Variants in OPCML observed in about 807,000 individuals in gnomAD.
OPCML encodes the protein opioid-binding protein/cell adhesion molecule.
OPCML carries 13 observed loss-of-function variants against 37.8 expected under a neutral mutation model. The ratio of observed to expected loss-of-function variants is 0.34; its 90% CI spans 0.22 to 0.55. OPCML has a LOEUF of 0.55. OPCML is among the 20% of genes least tolerant of loss of function. The probability of loss-of-function intolerance (pLI) is 0.91; values close to 1 mark genes in which losing one functional copy is unlikely to be tolerated. For synonymous variants in OPCML, 176 were observed against 168.8 expected (o/e 1.04, Z -0.33); for missense variants, 341 against 435.6 (o/e 0.78, Z 1.93).
At chr11:132,689,236 T>G (rs757569615) in intron 2 of OPCML, among the ~76,000 whole-genome samples, 1 of 152,204 alleles carries the variant, frequency 6.6e-6, no homozygotes, top group Non-Finnish European at 1.5e-5. Flanking sequence ...GATTGTTACA[T>G]TGGGATTTTC....
At chr11:133,343,916 A>G (rs954003965) in intron 1 of OPCML, among the ~76,000 whole-genome samples, 2 of 152,230 alleles carry the variant, frequency 1.3e-5, no homozygotes, top group Non-Finnish European at 2.9e-5. Flanking sequence ...CTATAAATGC[A>G]AAGGCTGAAG....
intron 1 of OPCML, among the ~76,000 whole-genome samples, chr11:133,125,896 A>G (rs201452555): frequency 1.4e-5 from 2 of 142,812 alleles, no homozygotes; most frequent in African/African-American, 5.2e-5. Flanking sequence ...TAGTATATAC[A>G]CATGTATATA....
At position 133,381,445 on chromosome 11, in the gene OPCML, A is replaced by C. The variant is rs146917474; in HGVS notation, c.61+150819T>G. Among the ~76,000 whole-genome samples, 386 of 152,356 alleles carry C rather than the reference A, an allele frequency of 2.5e-3. 4 individuals are homozygous for C. Among genetic ancestry groups the C allele is most frequent in the African/African-American group, 8.8e-3 (365 of 41,568 alleles). ...TGGAGCAGAGTGTGTTTGGGATATG[A>C]TAGAACTTATACAGGGCAGTGTGAG... On this transcript the variant is annotated intron_variant, in intron 1 of 7. Coordinates refer to ENST00000524381, the MANE Select transcript of OPCML (RefSeq NM_001012393.5).
In OPCML at chr11:132,499,259, G is replaced by C. The variant is rs563127871; in HGVS notation, c.505+29802C>G. Among the ~76,000 whole-genome samples, 14 of 152,346 alleles carry C rather than the reference G, an allele frequency of 9.2e-5. 1 individual carries two copies. The South Asian group carries it at 2.9e-3, about 32-fold the overall frequency. ...GAACGGCACCATGCAAAGAGCAGAG[G>C]AGCAGTCTGCAAAGACAATCTAAGC... On this transcript the variant is annotated intron_variant, in intron 4 of 7. Coordinates refer to ENST00000524381, the MANE Select transcript of OPCML (RefSeq NM_001012393.5).
intron 6 of OPCML, among the ~76,000 whole-genome samples, 161 bp downstream of exon 6, chr11:132,436,497 AT>A (rs932026867): frequency 2.0e-5 from 3 of 152,016 alleles, no homozygotes; most frequent in Non-Finnish European, 4.4e-5. Flanking sequence ...AGCCTCCTCC[AT>A]TTTTTTTCTC....
At chr11:133,095,339 G>T (rs1485225368) in intron 1 of OPCML, among the ~76,000 whole-genome samples, 1 of 106,906 alleles carries the variant, frequency 9.4e-6, no homozygotes. Flanking sequence ...GGGTGAATAT[G>T]ACAGAGTAAA....
At chr11:133,099,824 G>T (rs1592000632) in intron 1 of OPCML, among the ~76,000 whole-genome samples, 1 of 152,098 alleles carries the variant, frequency 6.6e-6, no homozygotes. Flanking sequence ...TCAGCCCTTT[G>T]TCAGAAGCAC....
rs373232242 is a variant in OPCML at position 133,163,873 on chromosome 11, A to C, written c.62-220863T>G. 1.1e-4 allele frequency among the ~76,000 whole-genome samples: 16 copies of C among 152,324 alleles called. 1 individual carries two copies. Among genetic ancestry groups the C allele is most frequent in the African/African-American group, 3.8e-4 (16 of 41,576 alleles). On this transcript the variant is annotated intron_variant, in intron 1 of 7. Transcript: ENST00000524381. ...TTACTTTTGCTCACACAGCAACCCCAACCAGACTTTCATTAGAAATCTCTC... is the reference window on the plus strand; with the variant it reads ...TTACTTTTGCTCACACAGCAACCCCCACCAGACTTTCATTAGAAATCTCTC...
chr11:132,890,655 G>A (rs1268826431), intron 2 of OPCML, among the ~76,000 whole-genome samples: 2 of 150,492 alleles, frequency 1.3e-5, no homozygotes, highest in Non-Finnish European at 1.5e-5. Flanking sequence ...GACCATCCTG[G>A]CTAATATGGT....
chr11:132,981,827 T>C (rs1946590679), intron 1 of OPCML, among the ~76,000 whole-genome samples: 1 of 152,170 alleles, frequency 6.6e-6, no homozygotes, highest in Non-Finnish European at 1.5e-5. Context: ...AAGAAACAAA[T>C]GGAAACTCAT....
chr11:133,063,923 T>G (rs1418362186), intron 1 of OPCML, among the ~76,000 whole-genome samples: 1 of 152,212 alleles, frequency 6.6e-6, no homozygotes, highest in East Asian at 1.9e-4. Context: ...GAGAACGATT[T>G]CATGGGTGTT....
At chr11:132,954,505 G>A (rs543439481) in intron 1 of OPCML, among the ~76,000 whole-genome samples, 1 of 152,240 alleles carries the variant, frequency 6.6e-6, no homozygotes, top group African/African-American at 2.4e-5. Context: ...TTCTGATTTT[G>A]GCAGATGAGT....
intron 4 of OPCML, among the ~76,000 whole-genome samples, chr11:132,461,878 C>T (rs1334685521): frequency 6.6e-6 from 1 of 152,142 alleles, no homozygotes; most frequent in Non-Finnish European, 1.5e-5. Context: ...AATTCACTCA[C>T]TATCACGAGA....
chr11:133,330,260 A>G (rs567191457), intron 1 of OPCML, among the ~76,000 whole-genome samples: 1 of 152,222 alleles, frequency 6.6e-6, no homozygotes, highest in African/African-American at 2.4e-5. Context: ...AGTTCAACCA[A>G]TGTGGAAGTC....
intron 4 of OPCML, among the ~76,000 whole-genome samples, chr11:132,485,236 C>G (rs917303590): frequency 1.7e-4 from 26 of 152,234 alleles, no homozygotes; most frequent in Middle Eastern, 3.4e-3. Context: ...AAGCAAGTTA[C>G]TTTGTATTGC....
chr11:133,406,689 G>C lies in OPCML; in HGVS notation c.61+125575C>G, dbSNP rs562313199. 1.9e-3 allele frequency among the ~76,000 whole-genome samples: 296 copies of C among 152,298 alleles called. 1 individual carries two copies. Among genetic ancestry groups the C allele is most frequent in the African/African-American group, 7.0e-3 (291 of 41,570 alleles). On this transcript the variant is annotated intron_variant, in intron 1 of 7. Transcript: ENST00000524381. ...TAAAAGCCAGGCCTGTGTGTGCAGA[G>C]AGATAAAGCCAGGCACATGGAGACT...
At chr11:132,604,605 A>G (rs777596170) in intron 3 of OPCML, among the ~76,000 whole-genome samples, 1 of 152,132 alleles carries the variant, frequency 6.6e-6, no homozygotes, top group Non-Finnish European at 1.5e-5. Context: ...ACTTTCAAAT[A>G]AGATTTATCC....
chr11:132,843,088 C>CTTTT (rs1941366514), intron 2 of OPCML, among the ~76,000 whole-genome samples: 1 of 51,654 alleles, frequency 1.9e-5, no homozygotes, highest in Non-Finnish European at 4.5e-5. Flanking sequence ...GTTCCTTTTT[C>CTTTT]TTTCTTTTTT....
intron 2 of OPCML, among the ~76,000 whole-genome samples, chr11:132,721,187 G>C (rs942043279): frequency 2.6e-5 from 4 of 152,130 alleles, no homozygotes; most frequent in Non-Finnish European, 4.4e-5. Context: ...AACGAACTTT[G>C]TCCAAGCCAA....
Sources: allele counts gnomAD v4.1 joint callset (sites outside exome capture counted in the v4.1 genomes callset), GRCh38; gene constraint gnomAD v4.1.1; transcripts MANE v1.5; gene names NCBI Gene and HGNC (gene_info 2026-07-23, HGNC 2026-07-21).